Variants in KIRREL3 observed in about 807,000 individuals in gnomAD.
The protein encoded by KIRREL3 is kirre like nephrin family adhesion molecule 3.
A neutral mutation model predicts 89.7 loss-of-function variants in KIRREL3; 36 were observed. That is an observed-to-expected ratio of 0.40 (90% confidence interval 0.31 to 0.53). The LOEUF (loss-of-function observed/expected upper bound fraction) is 0.53. KIRREL3 is among the 20% of genes least tolerant of loss of function. KIRREL3 has a pLI of 0.49. For missense variants in KIRREL3, 864 were observed against 1,056.6 expected (o/e 0.82, Z 2.53); for synonymous variants, 445 against 441.4 (o/e 1.01, Z -0.10).
chr11:126,893,650 C>T (rs1283478519), intron 1 of KIRREL3, among the ~76,000 whole-genome samples: 1 of 152,230 alleles, frequency 6.6e-6, no homozygotes. Flanking sequence ...TTCCTCTGGA[C>T]TTAGAAGCTC....
chr11:126,574,830 G>A lies in KIRREL3; in HGVS notation c.56-11918C>T, dbSNP rs529112517. Among the ~76,000 whole-genome samples the A allele has an allele frequency of 2.6e-5, 4 of 152,300 alleles. No homozygotes were observed. Among genetic ancestry groups the A allele is most frequent in the South Asian group, 4.1e-4 (2 of 4,820 alleles). On this transcript the variant is annotated intron_variant, in intron 1 of 16. Transcript: ENST00000525144. The surrounding 1 kb of genome is among the most constrained non-coding windows in gnomAD (Gnocchi z 5.3). Reference sequence around the variant, plus strand: ...CCAACCCATTCATTTGTTTATTGATGAGCTGCTTAATACTTCTTGGAATAG... The same window carrying A: ...CCAACCCATTCATTTGTTTATTGATAAGCTGCTTAATACTTCTTGGAATAG...
At chr11:126,716,377 C>T (rs1169787939) in intron 1 of KIRREL3, among the ~76,000 whole-genome samples, 2 of 152,096 alleles carry the variant, frequency 1.3e-5, no homozygotes, top group African/African-American at 4.8e-5. Flanking sequence ...GTGTTATCTC[C>T]CTCATTTTTA....
In KIRREL3 at chr11:126,862,958, G is replaced by T. The variant is rs556019343; in HGVS notation, c.55+137497C>A. 9.8e-5 allele frequency among the ~76,000 whole-genome samples: 15 copies of T among 152,320 alleles called. No individual in the cohort carries two copies. In the South Asian group the frequency reaches 2.9e-3, roughly 29 times the overall value. Reference sequence around the variant, plus strand: ...AGCCCAAGCATCACACCTGCTCTGTGGTCATGACAGCCAGCACTGGGATAC... The same window carrying T: ...AGCCCAAGCATCACACCTGCTCTGTTGTCATGACAGCCAGCACTGGGATAC... On this transcript the variant is annotated intron_variant, in intron 1 of 16. Transcript: ENST00000525144.
Position 126,562,875 on chromosome 11 carries a change from C to T in KIRREL3, c.93G>A (p.Leu31=). Residue 31 remains leucine (L), a synonymous_variant, in exon 2 of 17, where the codon CTG becomes CTA. Transcript: ENST00000525144. This position sits in a 1 kb window ranked among gnomAD's most constrained non-coding sequence, Gnocchi z 4.7. ...GAAACTTGTCCTTGGCCATGTAGCC[C>T]AGCACCAGACAGCATCCTCTCTTCT... The part of the protein sequence containing the change: ...GLQKRGCCLV[L]GYMAKDKFRR... 2 of 1,613,802 alleles carry T rather than the reference C, an allele frequency of 1.2e-6. No homozygotes were observed. The highest frequency in any genetic ancestry group is 1.3e-5 in the African/African-American group (1 of 75,026).
rs1228447402 is a variant in KIRREL3 at position 126,443,616 on chromosome 11, G to A, written c.1252+1363C>T. On this transcript the variant is annotated intron_variant, in intron 10 of 16. Transcript: ENST00000525144. This position sits in a 1 kb window ranked among gnomAD's most constrained non-coding sequence, Gnocchi z 7.3. ...AGGAATGGAAATGCGGGGCAGTGTG[G>A]GGGGAGCTGGTGAATGGAGACAGTA... Among the ~76,000 whole-genome samples the A allele has an allele frequency of 2.0e-5, 3 of 152,076 alleles. No individual in the cohort carries two copies. Among genetic ancestry groups the A allele is most frequent in the Admixed American group, 6.5e-5 (1 of 15,284 alleles).
chr11:126,644,091 A>G (rs1444511287), intron 1 of KIRREL3, among the ~76,000 whole-genome samples: 1 of 152,172 alleles, frequency 6.6e-6, no homozygotes, highest in African/African-American at 2.4e-5. Flanking sequence ...TCATAGGGTT[A>G]ATGGCTGAAA....
chr11:126,845,224 C>T (rs1161690522), intron 1 of KIRREL3, among the ~76,000 whole-genome samples: 2 of 152,148 alleles, frequency 1.3e-5, no homozygotes, highest in Non-Finnish European at 2.9e-5. Flanking sequence ...TGCAGCTTGG[C>T]ACCCAGGGCT....
chr11:126,876,564 G>T lies in KIRREL3; in HGVS notation c.55+123891C>A, dbSNP rs193061408. On this transcript the variant is annotated intron_variant, in intron 1 of 16. Transcript: ENST00000525144. The surrounding 1 kb of genome is among the most constrained non-coding windows in gnomAD (Gnocchi z 4.1). ...TTTTTTTTTTTTTTTTTGAGATGGA[G>T]TCTTGCTCTGTCACCCAGGCTGGAG... is the stretch of plus-strand genomic sequence containing the variant. Among the ~76,000 whole-genome samples the T allele has an allele frequency of 4.4e-3, 631 of 144,706 alleles. 2 individuals are homozygous for T. Among genetic ancestry groups the T allele is most frequent in the African/African-American group, 0.015 (589 of 38,910 alleles). The allele number at this position is 144,706 out of a possible 152,430, so 94.9% of individuals were successfully genotyped here.
intron 7 of KIRREL3, among the ~76,000 whole-genome samples, chr11:126,451,271 C>T (rs544649924): frequency 1.5e-3 from 136 of 92,392 alleles, no homozygotes; most frequent in African/African-American, 5.7e-3. Flanking sequence ...CTTGTGTGTC[C>T]GTGTGCATGT....
chr11:126,895,750 G>A (rs1382880389), intron 1 of KIRREL3, among the ~76,000 whole-genome samples: 3 of 152,252 alleles, frequency 2.0e-5, no homozygotes, highest in African/African-American at 7.2e-5. Context: ...GTGGGGGTTG[G>A]AGCTTCACAG....
rs192330420 is a variant in KIRREL3, at chr11:126,605,127, C to T, written c.56-42215G>A. On this transcript the variant is annotated intron_variant, in intron 1 of 16. Transcript: ENST00000525144. This position sits in a 1 kb window ranked among gnomAD's most constrained non-coding sequence, Gnocchi z 5.7. ...TGCCCTTTCTCCTTGGCTCCTCCCA[C>T]GCTCTTGGCTTTTCTCCTGGATTCC... Among the ~76,000 whole-genome samples the T allele has an allele frequency of 5.0e-4, 76 of 152,296 alleles. No homozygotes were observed. Among genetic ancestry groups the T allele is most frequent in the African/African-American group, 1.7e-3 (69 of 41,570 alleles).
At position 126,636,224 on chromosome 11, in the gene KIRREL3, T is replaced by C. The variant is rs1944259206; in HGVS notation, c.56-73312A>G. On this transcript the variant is annotated intron_variant, in intron 1 of 16. Coordinates refer to ENST00000525144, the MANE Select transcript of KIRREL3 (RefSeq NM_032531.4). This position sits in a 1 kb window ranked among gnomAD's most constrained non-coding sequence, Gnocchi z 4.4. ...GGATACTTATGGCATACCCAGGGCA[T>C]GGCATGTGCTAAGCATTCAATAAAT... 1.3e-5 allele frequency among the ~76,000 whole-genome samples: 2 copies of C among 152,256 alleles called. No homozygotes were observed. Among genetic ancestry groups the C allele is most frequent in the Admixed American group, 1.3e-4 (2 of 15,286 alleles).
intron 12 of KIRREL3, among the ~76,000 whole-genome samples, chr11:126,436,329 G>T (rs11220493): frequency 6.6e-6 from 1 of 152,282 alleles, no homozygotes; most frequent in African/African-American, 2.4e-5. Context: ...TGTGGGACTT[G>T]TGTCTGAGTA....
intron 1 of KIRREL3, among the ~76,000 whole-genome samples, chr11:126,874,132 T>A (rs1332253879): frequency 6.6e-6 from 1 of 152,228 alleles, no homozygotes; most frequent in Non-Finnish European, 1.5e-5. Context: ...TTGCCAAGCC[T>A]TCATTGCTTT....
rs1390202819 is a variant in KIRREL3, at chr11:126,523,761, C to T, written c.284-2297G>A. On this transcript the variant is annotated intron_variant, in intron 3 of 16. Coordinates refer to ENST00000525144, the MANE Select transcript of KIRREL3 (RefSeq NM_032531.4). This position sits in a 1 kb window ranked among gnomAD's most constrained non-coding sequence, Gnocchi z 4.9. The stretch of plus-strand genomic sequence containing the variant: ...GCTGGCTGGCTACCCCCAGCCCCTC[C>T]AGCCCAGCCTCTGGATCCCACTATC... Among the ~76,000 whole-genome samples the T allele has an allele frequency of 6.6e-6, 1 of 152,194 alleles. No individual in the cohort carries two copies. Among genetic ancestry groups the T allele is most frequent in the Non-Finnish European group, 1.5e-5 (1 of 68,036 alleles).
At chr11:126,456,947 G>T (rs1195100224) in intron 6 of KIRREL3, among the ~76,000 whole-genome samples, 1 of 152,174 alleles carries the variant, frequency 6.6e-6, no homozygotes, top group Non-Finnish European at 1.5e-5. Context: ...ACTCAGTCCT[G>T]GCTGGTGGCG....
intron 1 of KIRREL3, among the ~76,000 whole-genome samples, chr11:126,963,346 C>T (rs1055792094): frequency 6.6e-6 from 1 of 151,838 alleles, no homozygotes; most frequent in African/African-American, 2.4e-5. Context: ...GACACACACA[C>T]AGACACACAC....
At position 126,474,709 on chromosome 11, in the gene KIRREL3, C is replaced by T. The variant is rs1375627170; in HGVS notation, c.434-1243G>A. ...GCCATCCGCGTCGGAGCACGGTCTCCGCAGTGCCCAGCACAGAGCCCTGTG... is the reference window on the plus strand; with the variant it reads ...GCCATCCGCGTCGGAGCACGGTCTCTGCAGTGCCCAGCACAGAGCCCTGTG... On this transcript the variant is annotated intron_variant, in intron 4 of 16. Transcript: ENST00000525144. The surrounding 1 kb of genome is among the most constrained non-coding windows in gnomAD (Gnocchi z 6.7). 2.0e-5 allele frequency among the ~76,000 whole-genome samples: 3 copies of T among 152,190 alleles called. No individual in the cohort carries two copies. Among genetic ancestry groups the T allele is most frequent in the South Asian group, 2.1e-4 (1 of 4,832 alleles).
chr11:126,717,315 G>A (rs1948003510), intron 1 of KIRREL3, among the ~76,000 whole-genome samples: 1 of 151,570 alleles, frequency 6.6e-6, no homozygotes, highest in Non-Finnish European at 1.5e-5. Flanking sequence ...GTTATTTAAT[G>A]AAATAGTGGA....
Sources: gnomAD v4.1 joint callset for allele counts (sites outside exome capture counted in the v4.1 genomes callset) on GRCh38, gnomAD v4.1.1 for gene constraint, Gnocchi (gnomAD v3.1) non-coding constraint, MANE v1.5 for transcripts, NCBI Gene and HGNC (gene_info 2026-07-23, HGNC 2026-07-21) for gene names.